Variants in SMC1B observed in about 807,000 individuals in gnomAD.
The protein encoded by SMC1B is structural maintenance of chromosomes protein 1B.
SMC1B carries 60 observed loss-of-function variants against 157.9 expected under a neutral mutation model. The ratio of observed to expected loss-of-function variants is 0.38; its 90% CI spans 0.31 to 0.47. The LOEUF (loss-of-function observed/expected upper bound fraction) is 0.47, where lower values mean the gene tolerates loss of function less well. Ranked by LOEUF, SMC1B falls within the 20% of genes least tolerant of loss-of-function variation. The probability of loss-of-function intolerance (pLI) is 0.99; values close to 1 mark genes in which losing one functional copy is unlikely to be tolerated. For missense variants in SMC1B, 1,165 were observed against 1,426.2 expected (o/e 0.82, Z 2.95); for synonymous variants, 445 against 483.0 (o/e 0.92, Z 1.03).
chr22:45,351,802 T>G (rs2086618248), intron 22 of SMC1B, among the ~76,000 whole-genome samples: 1 of 152,246 alleles, frequency 6.6e-6, no homozygotes, highest in Non-Finnish European at 1.5e-5. Context: ...ATGTTCTGAA[T>G]GTTGAAAGAG....
intron 15 of SMC1B, 111 bp from the exon 16 acceptor site, chr22:45,363,137 A>T: frequency 1.4e-6 from 1 of 703,424 alleles, no homozygotes. Flanking sequence ...ACTATAATGA[A>T]CTCCCAAGTA....
At chr22:45,397,165 CTCTTT>C (rs2087134523) in intron 6 of SMC1B, among the ~76,000 whole-genome samples, 1 of 152,040 alleles carries the variant, frequency 6.6e-6, no homozygotes, top group Non-Finnish European at 1.5e-5. Flanking sequence ...ATTCTCCTTT[CTCTTT>C]TAAGATTTTT....
intron 15 of SMC1B, among the ~76,000 whole-genome samples, chr22:45,367,447 C>T (rs942754071): frequency 3.3e-5 from 5 of 152,154 alleles, no homozygotes; most frequent in Non-Finnish European, 5.9e-5. Context: ...AGGCTGGCTA[C>T]AGGCTGGTGC....
At chr22:45,406,255 C>T (rs2087258037) in intron 4 of SMC1B, among the ~76,000 whole-genome samples, 1 of 152,112 alleles carries the variant, frequency 6.6e-6, no homozygotes, top group Non-Finnish European at 1.5e-5. Flanking sequence ...AGACATTTTT[C>T]TAGTTCAGGC....
intron 1 of SMC1B, among the ~76,000 whole-genome samples, chr22:45,410,757 AAAC>A (rs2087323318): frequency 6.6e-6 from 1 of 152,174 alleles, no homozygotes; most frequent in Admixed American, 6.5e-5. Flanking sequence ...AAAGTAACAT[AAAC>A]AAAGCAAAGG....
chr22:45,369,137 G>A (rs980011610), intron 15 of SMC1B, among the ~76,000 whole-genome samples: 2 of 150,820 alleles, frequency 1.3e-5, no homozygotes, highest in Non-Finnish European at 1.5e-5. Context: ...TTGCTCTGTC[G>A]CCCAGGCTAA....
chr22:45,345,633 G>A, intron 23 of SMC1B, 64 bp from the exon 24 acceptor site: 1 of 976,284 alleles, frequency 1.0e-6, no homozygotes. Context: ...TCTGGAGACA[G>A]TAATTCTGCA....
chr22:45,412,255 CG>C (rs764369873), intron 1 of SMC1B, among the ~76,000 whole-genome samples: 2 of 151,554 alleles, frequency 1.3e-5, no homozygotes, highest in Admixed American at 1.3e-4. Context: ...GGCTGGAGTG[CG>C]GTGGTGCTAT....
intron 12 of SMC1B, among the ~76,000 whole-genome samples, chr22:45,373,086 G>T (rs1285586557): frequency 6.6e-6 from 1 of 152,168 alleles, no homozygotes; most frequent in Non-Finnish European, 1.5e-5. Flanking sequence ...TAACTTGGAA[G>T]TGCTTTCTCC....
chr22:45,358,592 CT>C, intron 19 of SMC1B, 104 bp downstream of exon 19: 2 of 696,556 alleles, frequency 2.9e-6, no homozygotes, highest in East Asian at 2.8e-5. Context: ...ATTAGGAAAT[CT>C]TTTAAAAAAA....
intron 13 of SMC1B, 60 bp from the exon 14 acceptor site, chr22:45,371,647 CA>C: frequency 1.3e-6 from 2 of 1,510,934 alleles, no homozygotes; most frequent in Non-Finnish European, 8.8e-7. Context: ...ATAGTGAAGC[CA>C]AAAATGTGAT....
intron 1 of SMC1B, 82 bp from the exon 2 acceptor site, chr22:45,408,980 T>C: frequency 1.2e-6 from 1 of 807,510 alleles, no homozygotes; most frequent in Non-Finnish European, 1.9e-6. Context: ...AGGCCACCAA[T>C]CGAAGTGAAA....
chr22:45,388,985 T>TAAAAAAAA (rs2087023422), intron 10 of SMC1B, among the ~76,000 whole-genome samples: 1 of 22,470 alleles, frequency 4.5e-5, no homozygotes. Flanking sequence ...AGACTCTGCC[T>TAAAAAAAA]CAAAAAAAAA....
In SMC1B at chr22:45,371,607, A is replaced by AT. The variant is rs769117166; in HGVS notation, c.2197-21dup. The stretch of plus-strand genomic sequence containing the variant: ...TTGTTCCTAATAACAAAAGAGAAAA[A>AT]TTTTTTTAACATGGCTGTTTTAGCT... On this transcript the variant is annotated intron_variant, in intron 13 of 24. Coordinates refer to ENST00000357450, the MANE Select transcript of SMC1B (RefSeq NM_148674.5). 4.1e-5 allele frequency: 64 copies of AT among 1,573,008 alleles called. 1 individual carries two copies. The South Asian group carries it at 6.7e-4, about 16-fold the overall frequency.
At position 45,361,861 on chromosome 22, in the gene SMC1B, TC is replaced by T; in HGVS notation, c.2685del (p.Lys896ArgfsTer18). 6.2e-7 allele frequency: 1 copy of T among 1,614,106 alleles called. No homozygotes were observed. Among genetic ancestry groups the T allele is most frequent in the Non-Finnish European group, 8.5e-7 (1 of 1,179,990 alleles). On this transcript the variant is annotated frameshift_variant, in exon 17 of 25. Transcript: ENST00000357450. LOFTEE classifies it high-confidence loss of function. ...TACCTATCAACAGCCAGAAACTTCT[TC>T]CGTTCCTCTTCAATTTGAGTTTGAA... ...EKVQTQIEEE[R>X]KKFLAVDREV...
At chr22:45,364,824 CTTTTTTTTTTTTTTTTTT>C (rs202166311) in intron 15 of SMC1B, among the ~76,000 whole-genome samples, 9 of 105,500 alleles carry the variant, frequency 8.5e-5, no homozygotes, top group Admixed American at 3.0e-4. Context: ...ATCTCTTTTC[CTTTTTTTTTTTTTTTTTT>C]TTTTTTTTTT....
At chr22:45,406,936 T>C in intron 2 of SMC1B, 71 bp from the exon 3 acceptor site, 2 of 1,060,008 alleles carry the variant, frequency 1.9e-6, no homozygotes, top group Non-Finnish European at 2.7e-6. Flanking sequence ...CACCGAAAGT[T>C]TAATAAAATT....
At chr22:45,369,287 G>A (rs1166006688) in intron 15 of SMC1B, among the ~76,000 whole-genome samples, 1 of 151,614 alleles carries the variant, frequency 6.6e-6, no homozygotes, top group Admixed American at 6.6e-5. Flanking sequence ...TAGTAGAGAC[G>A]GGGTTTCACC....
intron 4 of SMC1B, 36 bp downstream of exon 4, chr22:45,406,424 C>A: frequency 1.3e-6 from 2 of 1,560,990 alleles, no homozygotes; most frequent in East Asian, 2.2e-5. Context: ...AGTTTTATAT[C>A]CAACAACTAA....
Sources: gnomAD v4.1 joint callset for allele counts (sites outside exome capture counted in the v4.1 genomes callset) on GRCh38, gnomAD v4.1.1 for gene constraint, MANE v1.5 for transcripts, NCBI Gene and HGNC (gene_info 2026-07-23, HGNC 2026-07-21) for gene names.